ANKS1B: variants seen among roughly 807,000 people sequenced by gnomAD.
ANKS1B encodes ankyrin repeat and sterile alpha motif domain-containing protein 1B.
In ANKS1B, 36 loss-of-function variants were observed where a neutral mutation model predicts 148.3. That is an observed-to-expected ratio of 0.24 (90% CI 0.19 to 0.32). The LOEUF is 0.32. ANKS1B is among the 10% of genes least tolerant of loss of function. The pLI, the probability that ANKS1B is intolerant of heterozygous loss-of-function variation, is 1.00. For synonymous variants in ANKS1B, 542 were observed against 560.8 expected (o/e 0.97, Z 0.47); for missense variants, 1,157 against 1,542.6 (o/e 0.75, Z 4.19).
At chr12:99,399,166 C>T (rs995456441) in intron 12 of ANKS1B, among the ~76,000 whole-genome samples, 1 of 152,072 alleles carries the variant, frequency 6.6e-6, no homozygotes, top group African/African-American at 2.4e-5. Context: ...TACCCTCACA[C>T]CCAGCATTTT....
rs559772684 is a variant in ANKS1B, at chr12:98,866,645, G to T, written c.2779-34509C>A. On this transcript the variant is annotated intron_variant, in intron 17 of 26. Coordinates refer to ENST00000683438, the MANE Select transcript of ANKS1B (RefSeq NM_001352186.2). ...CTGGACCCTTCACCTTTGGGACACT[G>T]CTTCCTCCTCATAAAACACCTATCT... Among the ~76,000 whole-genome samples the T allele has an allele frequency of 2.6e-5, 4 of 152,276 alleles. No homozygotes were observed. In the South Asian group the frequency reaches 8.3e-4, roughly 32 times the overall value.
chr12:99,076,461 A>C (rs567563169), intron 16 of ANKS1B, among the ~76,000 whole-genome samples: 53 of 152,324 alleles, frequency 3.5e-4, no homozygotes, highest in Non-Finnish European at 6.9e-4. Flanking sequence ...TAAGAATCAC[A>C]GTTTTGGGGT....
At chr12:99,648,176 T>A (rs759710522) in intron 9 of ANKS1B, 1 of 1,610,096 alleles carries the variant, frequency 6.2e-7, no homozygotes, top group Admixed American at 1.7e-5. Flanking sequence ...AAGGAAGACA[T>A]GGAGGACTGC....
At chr12:99,441,910 G>A (rs968718182) in intron 11 of ANKS1B, among the ~76,000 whole-genome samples, 4 of 151,898 alleles carry the variant, frequency 2.6e-5, no homozygotes, top group African/African-American at 9.7e-5. Flanking sequence ...TGGATCTATA[G>A]AAAAGAATCT....
At chr12:99,772,081 T>C (rs2153621493) in intron 8 of ANKS1B, among the ~76,000 whole-genome samples, 1 of 152,268 alleles carries the variant, frequency 6.6e-6, no homozygotes, top group East Asian at 1.9e-4. Context: ...TACCAGTATA[T>C]ACTATAAGTC....
intron 24 of ANKS1B, among the ~76,000 whole-genome samples, chr12:98,780,891 C>G (rs920963514): frequency 3.3e-5 from 5 of 152,006 alleles, no homozygotes; most frequent in Non-Finnish European, 5.9e-5. Flanking sequence ...TTATAGAAAC[C>G]CCAGATCAAG....
At chr12:99,070,554 G>GA (rs879612710) in intron 16 of ANKS1B, among the ~76,000 whole-genome samples, 2 of 152,180 alleles carry the variant, frequency 1.3e-5, no homozygotes, top group African/African-American at 2.4e-5. Flanking sequence ...TTACGAATGA[G>GA]AAAAAATAGC....
intron 12 of ANKS1B, among the ~76,000 whole-genome samples, chr12:99,292,944 G>A (rs536573182): frequency 5.3e-5 from 8 of 152,252 alleles, no homozygotes; most frequent in East Asian, 1.9e-4. Context: ...ACAGCGTGGC[G>A]ATTCCTCAAG....
chr12:98,946,362 T>G (rs950834103), intron 17 of ANKS1B, among the ~76,000 whole-genome samples: 3 of 152,246 alleles, frequency 2.0e-5, no homozygotes, highest in African/African-American at 7.2e-5. Flanking sequence ...ATTATTCTTT[T>G]GTTTGTTTAA....
chr12:99,558,372 A>T (rs1176059281), intron 9 of ANKS1B, among the ~76,000 whole-genome samples: 2 of 152,194 alleles, frequency 1.3e-5, no homozygotes, highest in Non-Finnish European at 2.9e-5. Flanking sequence ...GCAGTGGGGC[A>T]GCGGGGTACA....
chr12:98,867,572 G>A (rs1201534302), intron 17 of ANKS1B, among the ~76,000 whole-genome samples: 1 of 152,298 alleles, frequency 6.6e-6, no homozygotes, highest in Middle Eastern at 3.4e-3. Context: ...TAGAATGTAA[G>A]TCAGTTTGTC....
At chr12:99,396,474 T>C (rs1009321605) in intron 12 of ANKS1B, among the ~76,000 whole-genome samples, 2 of 152,222 alleles carry the variant, frequency 1.3e-5, no homozygotes, top group African/African-American at 4.8e-5. Flanking sequence ...GTTTATGTAA[T>C]GTGGAGGTGA....
rs569475866 is a variant in ANKS1B at position 99,464,072 on chromosome 12, C to T, written c.1439-20263G>A. On this transcript the variant is annotated intron_variant, in intron 10 of 26. Coordinates refer to ENST00000683438, the MANE Select transcript of ANKS1B (RefSeq NM_001352186.2). The stretch of plus-strand genomic sequence containing the variant: ...GGGGCAGACTGATACCTCACATGGC[C>T]GGGTACTCCTCTGAGACAAAACTTC... Among the ~76,000 whole-genome samples, 46 of 152,234 alleles carry T rather than the reference C, an allele frequency of 3.0e-4. No individual in the cohort carries two copies. In the South Asian group the frequency reaches 6.2e-3, roughly 21 times the overall value.
intron 16 of ANKS1B, among the ~76,000 whole-genome samples, chr12:99,057,062 G>A (rs2040457049): frequency 6.6e-6 from 1 of 151,950 alleles, no homozygotes; most frequent in African/African-American, 2.4e-5. Flanking sequence ...ATCTAATTAG[G>A]CCAACATGGT....
intron 22 of ANKS1B, among the ~76,000 whole-genome samples, chr12:98,785,818 T>C (rs1733639092): frequency 6.6e-6 from 1 of 152,222 alleles, no homozygotes; most frequent in African/African-American, 2.4e-5. Context: ...AATACTCCCA[T>C]ATGTTTCTGT....
intron 14 of ANKS1B, among the ~76,000 whole-genome samples, chr12:99,170,598 AC>A (rs1202859812): frequency 3.9e-5 from 6 of 152,140 alleles, no homozygotes; most frequent in Admixed American, 3.9e-4. Context: ...CAGTCCCTCG[AC>A]CAAGAGACTG....
chr12:99,443,619 T>C (rs1033382502), intron 11 of ANKS1B, 54 bp downstream of exon 11: 34 of 1,586,358 alleles, frequency 2.1e-5, no homozygotes, highest in African/African-American at 4.0e-5. Flanking sequence ...TGTACATGCA[T>C]TGATTCAAAT....
chr12:99,362,646 A>G (rs955270019), intron 12 of ANKS1B, among the ~76,000 whole-genome samples: 1 of 152,062 alleles, frequency 6.6e-6, no homozygotes, highest in African/African-American at 2.4e-5. Flanking sequence ...ACATTTTACT[A>G]TATATTTATA....
intron 2 of ANKS1B, among the ~76,000 whole-genome samples, chr12:99,812,591 C>T (rs1220369107): frequency 4.0e-5 from 6 of 149,574 alleles, no homozygotes; most frequent in East Asian, 2.0e-4. Context: ...AGAGCGAGAG[C>T]ACACATTGAC....
Sources: gnomAD v4.1 joint callset for allele counts (sites outside exome capture counted in the v4.1 genomes callset) on GRCh38, gnomAD v4.1.1 for gene constraint, MANE v1.5 for transcripts, NCBI Gene and HGNC (gene_info 2026-07-23, HGNC 2026-07-21) for gene names.